The following SGIP1 variants were observed in gnomAD, a reference collection of about 807,000 sequenced individuals.
The protein encoded by SGIP1 is SH3GL interacting endocytic adaptor 1.
In SGIP1, 38 loss-of-function variants were observed where a neutral mutation model predicts 107.5. The ratio of observed to expected loss-of-function variants is 0.35; its 90% CI spans 0.27 to 0.46. The LOEUF (loss-of-function observed/expected upper bound fraction) is 0.46. Ranked by LOEUF, SGIP1 falls within the 20% of genes least tolerant of loss-of-function variation. The probability of loss-of-function intolerance (pLI) is 1.00; values close to 1 mark genes in which losing one functional copy is unlikely to be tolerated. For synonymous variants in SGIP1, 365 were observed against 366.1 expected (o/e 1.00, Z 0.03); for missense variants, 929 against 1,019.5 (o/e 0.91, Z 1.21).
intron 17 of SGIP1, among the ~76,000 whole-genome samples, chr1:66,690,955 G>A (rs1449077317): frequency 6.6e-6 from 1 of 152,174 alleles, no homozygotes; most frequent in Non-Finnish European, 1.5e-5. Flanking sequence ...TGGCTGTTCA[G>A]CTGGATGGTT....
At chr1:66,596,612 A>T (rs1177767660) in intron 1 of SGIP1, among the ~76,000 whole-genome samples, 1 of 151,518 alleles carries the variant, frequency 6.6e-6, no homozygotes, top group Non-Finnish European at 1.5e-5. Flanking sequence ...TTCAGGCTTT[A>T]AACTGTCTTC....
intron 8 of SGIP1, among the ~76,000 whole-genome samples, chr1:66,663,083 T>C (rs2081860022): frequency 6.6e-6 from 1 of 151,660 alleles, no homozygotes; most frequent in Non-Finnish European, 1.5e-5. Flanking sequence ...AAAAAAAATC[T>C]GGATGCTCAT....
intron 19 of SGIP1, among the ~76,000 whole-genome samples, chr1:66,728,097 C>T (rs2093841551): frequency 6.6e-6 from 1 of 152,006 alleles, no homozygotes; most frequent in Admixed American, 6.6e-5. Flanking sequence ...ATTGTGTTAA[C>T]TTATATGACT....
intron 1 of SGIP1, among the ~76,000 whole-genome samples, chr1:66,538,803 T>C (rs541187841): frequency 1.3e-5 from 2 of 152,156 alleles, no homozygotes; most frequent in Non-Finnish European, 2.9e-5. Context: ...AGTAATCAAA[T>C]AGAAGAAAAT....
At chr1:66,651,546 C>T (rs17490308) in intron 7 of SGIP1, among the ~76,000 whole-genome samples, 19,557 of 119,344 alleles carry the variant, frequency 0.16, 1,344 homozygotes, top group Admixed American at 0.21. Context: ...TTTCTGAATG[C>T]TCACATGAAA....
rs1336276443 is a variant in SGIP1 at position 66,668,242 on chromosome 1, G to A, written c.483+701G>A. Reference sequence around the variant, plus strand: ...ATCTCGCTCTGTTGCCCAGGCTGGAGTGCAGTGGCGTGATCTCTGCTCACT... The same window carrying A: ...ATCTCGCTCTGTTGCCCAGGCTGGAATGCAGTGGCGTGATCTCTGCTCACT... On this transcript the variant is annotated intron_variant, in intron 9 of 24. Transcript: ENST00000371037. Among the ~76,000 whole-genome samples, 3 of 152,136 alleles carry A rather than the reference G, an allele frequency of 2.0e-5. No individual in the cohort carries two copies. The South Asian group carries it at 6.2e-4, about 32-fold the overall frequency.
intron 1 of SGIP1, among the ~76,000 whole-genome samples, chr1:66,606,236 A>C (rs1184638558): frequency 6.6e-6 from 1 of 152,254 alleles, no homozygotes. Flanking sequence ...TAAAAAGCGC[A>C]TGGATAATAC....
At chr1:66,603,434 G>A (rs895831842) in intron 1 of SGIP1, among the ~76,000 whole-genome samples, 1 of 152,000 alleles carries the variant, frequency 6.6e-6, no homozygotes, top group Non-Finnish European at 1.5e-5. Context: ...AGCAAACAAT[G>A]CTTTCTCAAT....
At chr1:66,695,606 A>G (rs2090755424) in intron 18 of SGIP1, 113 bp downstream of exon 18, 6 of 973,546 alleles carry the variant, frequency 6.2e-6, no homozygotes, top group East Asian at 2.6e-5. Context: ...CACTTTCTAT[A>G]TGAAAATGCT....
intron 7 of SGIP1, among the ~76,000 whole-genome samples, chr1:66,645,728 T>A (rs1185699208): frequency 6.6e-6 from 1 of 152,204 alleles, no homozygotes; most frequent in African/African-American, 2.4e-5. Flanking sequence ...GGTTTCTGGA[T>A]GTACATGAGT....
chr1:66,578,156 T>C (rs1445572), intron 1 of SGIP1, among the ~76,000 whole-genome samples: 51,269 of 152,034 alleles, frequency 0.34, 9,292 homozygotes, highest in African/African-American at 0.48. Context: ...TCCAATGTCA[T>C]GTAATAATAG....
intron 1 of SGIP1, among the ~76,000 whole-genome samples, chr1:66,535,765 T>C (rs1247163807): frequency 1.3e-5 from 2 of 152,344 alleles, no homozygotes; most frequent in Non-Finnish European, 2.9e-5. Flanking sequence ...TAATTCAAAA[T>C]TGATTTAATC....
intron 18 of SGIP1, among the ~76,000 whole-genome samples, chr1:66,710,018 A>T (rs2092804887): frequency 6.6e-6 from 1 of 151,854 alleles, no homozygotes; most frequent in African/African-American, 2.4e-5. Flanking sequence ...ATATAATCTA[A>T]GCCAACTACA....
chr1:66,740,679 A>G lies in SGIP1; in HGVS notation c.2256A>G (p.Ile752Met), dbSNP rs2094421345. Residue 752 changes from isoleucine to methionine, a missense_variant, in exon 23 of 25, where the codon ATA becomes ATG. Transcript: ENST00000371037. ...TTAGGAATGCTGAACAACAGAGAAT[A>G]TTGTGGAAGATTCCTGATATCTCTC... ...PAVWNAEQQR[I>M]LWKIPDISQK... 1.2e-6 allele frequency: 2 copies of G among 1,608,266 alleles called. No individual in the cohort carries two copies. The highest frequency in any genetic ancestry group is 3.4e-5 in the Admixed American group (2 of 59,458).
chr1:66,673,320 C>G lies in SGIP1; in HGVS notation c.600C>G (p.Leu200=). ...ATGACACTACGGCCCTTGCTCCTCT[C>G]TTTGGCCCACCACTAGAATCAGCTT... ...PPDDTTALAP[L]FGPPLESAFD... Residue 200 remains leucine (L), a synonymous_variant, in exon 12 of 25, where the codon CTC becomes CTG. Coordinates refer to ENST00000371037, the MANE Select transcript of SGIP1 (RefSeq NM_032291.4). 1 of 1,613,726 alleles carries G rather than the reference C, an allele frequency of 6.2e-7. No individual in the cohort carries two copies. Among genetic ancestry groups the G allele is most frequent in the Non-Finnish European group, 8.5e-7 (1 of 1,179,912 alleles).
chr1:66,608,321 T>G (rs887727349), intron 1 of SGIP1, among the ~76,000 whole-genome samples: 6 of 152,262 alleles, frequency 3.9e-5, no homozygotes, highest in African/African-American at 1.4e-4. Flanking sequence ...TCTGGGAGAT[T>G]AAGATGTATC....
At chr1:66,742,758 C>T (rs1184125534) in intron 24 of SGIP1, among the ~76,000 whole-genome samples, 1 of 149,186 alleles carries the variant, frequency 6.7e-6, no homozygotes, top group Non-Finnish European at 1.5e-5. Flanking sequence ...CGTGAGCCAC[C>T]GCGCCCGGCC....
chr1:66,536,788 T>A (rs893747647), intron 1 of SGIP1, among the ~76,000 whole-genome samples: 4 of 152,134 alleles, frequency 2.6e-5, no homozygotes, highest in Non-Finnish European at 4.4e-5. Flanking sequence ...CACAGAGTCA[T>A]CCACCCAAAC....
At chr1:66,644,868 T>C (rs2077396252) in intron 7 of SGIP1, among the ~76,000 whole-genome samples, 1 of 152,220 alleles carries the variant, frequency 6.6e-6, no homozygotes, top group South Asian at 2.1e-4. Context: ...TACTTTAAGA[T>C]GTCTTCTTGA....
Sources: allele counts gnomAD v4.1 joint callset (sites outside exome capture counted in the v4.1 genomes callset), GRCh38; gene constraint gnomAD v4.1.1; transcripts MANE v1.5; gene names NCBI Gene and HGNC (gene_info 2026-07-23, HGNC 2026-07-21).